CHRM2: variants seen among roughly 807,000 people sequenced by gnomAD.
CHRM2 encodes muscarinic acetylcholine receptor M2.
CHRM2 carries 8 observed loss-of-function variants against 25.0 expected under a neutral mutation model. The ratio of observed to expected loss-of-function variants is 0.32; its 90% CI spans 0.19 to 0.58. The LOEUF is 0.58. Ranked by LOEUF, CHRM2 falls within the 20% of genes least tolerant of loss-of-function variation. The pLI is 0.88. For synonymous variants in CHRM2, 202 were observed against 205.7 expected, an observed-to-expected ratio of 0.98 and a Z score of 0.15; for missense variants, 440 against 567.1, an observed-to-expected ratio of 0.78 and a Z score of 2.28.
At chr7:136,916,047 A>T (rs1009406725) in intron 2 of CHRM2, among the ~76,000 whole-genome samples, 1 of 151,822 alleles carries the variant, frequency 6.6e-6, no homozygotes, top group Non-Finnish European at 1.5e-5. Context: ...ATCTAACCCC[A>T]TGGTGCAGGC....
At chr7:137,001,272 G>A (rs1381754779) in intron 3 of CHRM2, among the ~76,000 whole-genome samples, 1 of 151,906 alleles carries the variant, frequency 6.6e-6, no homozygotes, top group Non-Finnish European at 1.5e-5. Flanking sequence ...TAAAGAGGCC[G>A]GCTTTATGCA....
chr7:136,952,861 G>A (rs1800495865), intron 2 of CHRM2, among the ~76,000 whole-genome samples: 1 of 152,050 alleles, frequency 6.6e-6, no homozygotes, highest in Admixed American at 6.5e-5. Context: ...TAAGGATAAT[G>A]GCCTCTAGTT....
chr7:136,903,726 T>A (rs1192902733), intron 2 of CHRM2, among the ~76,000 whole-genome samples: 2 of 151,944 alleles, frequency 1.3e-5, no homozygotes. Flanking sequence ...ATATCTTTAA[T>A]TGGCTAAATG....
intron 2 of CHRM2, among the ~76,000 whole-genome samples, chr7:136,990,718 T>C (rs1358119060): frequency 3.9e-5 from 6 of 152,208 alleles, no homozygotes; most frequent in African/African-American, 1.4e-4. Flanking sequence ...TTTAACTTAT[T>C]TGGGTAAACA....
At chr7:136,975,456 A>C (rs576857718) in intron 2 of CHRM2, among the ~76,000 whole-genome samples, 41 of 152,232 alleles carry the variant, frequency 2.7e-4, no homozygotes, top group Non-Finnish European at 5.1e-4. Flanking sequence ...AGAAGAAAGA[A>C]AATGAATTAA....
At chr7:136,874,064 G>A (rs1218832088) in intron 2 of CHRM2, among the ~76,000 whole-genome samples, 1 of 152,154 alleles carries the variant, frequency 6.6e-6, no homozygotes, top group African/African-American at 2.4e-5. Context: ...ACTTTTTCAA[G>A]GTGACACAGC....
intron 3 of CHRM2, among the ~76,000 whole-genome samples, chr7:136,999,214 A>C (rs1007340726): frequency 2.0e-5 from 3 of 152,060 alleles, no homozygotes; most frequent in African/African-American, 4.8e-5. Context: ...ATCTTTCAAA[A>C]ATGTACCATC....
At chr7:136,969,519 C>T (rs1391122569) in intron 2 of CHRM2, among the ~76,000 whole-genome samples, 1 of 152,086 alleles carries the variant, frequency 6.6e-6, no homozygotes, top group Admixed American at 6.6e-5. Flanking sequence ...CCACATAATT[C>T]CCAAACTTCA....
chr7:136,927,418 G>C lies in CHRM2; in HGVS notation c.-125+58000G>C, dbSNP rs186917328. Among the ~76,000 whole-genome samples the C allele has an allele frequency of 4.1e-3, 617 of 152,178 alleles. 4 individuals carry two copies. The highest frequency in any genetic ancestry group is 0.014 in the African/African-American group (585 of 41,506). ...TGGTGGTGGTGGTGTGGGTGTGTGT[G>C]TGTATGTGTGTGTGTGACAAGGTTT... On this transcript the variant is annotated intron_variant, in intron 2 of 3. Coordinates refer to ENST00000680005, the MANE Select transcript of CHRM2 (RefSeq NM_001006630.2).
At chr7:137,012,202 AT>A (rs1378042883) in intron 3 of CHRM2, among the ~76,000 whole-genome samples, 3 of 152,078 alleles carry the variant, frequency 2.0e-5, no homozygotes, top group Non-Finnish European at 4.4e-5. Context: ...CTGTCCATGA[AT>A]TTATCTAATA....
rs1803325456 is a variant in CHRM2, at chr7:136,992,889, A to G, written c.-47+625A>G. ...ATCTTGAGGTAGAATTTATTCTCCA[A>G]GAAACCTTAGTTTTTACTCTCAAGG... On this transcript the variant is annotated intron_variant, in intron 3 of 3. Coordinates refer to ENST00000680005, the MANE Select transcript of CHRM2 (RefSeq NM_001006630.2). Among the ~76,000 whole-genome samples, 9 of 152,204 alleles carry G rather than the reference A, an allele frequency of 5.9e-5. No individual in the cohort carries two copies. In the South Asian group the frequency reaches 1.9e-3, roughly 31 times the overall value.
Position 136,963,244 on chromosome 7 carries a change from C to A in CHRM2, c.-124-28943C>A, listed in dbSNP as rs559587927. On this transcript the variant is annotated intron_variant, in intron 2 of 3. Coordinates refer to ENST00000680005, the MANE Select transcript of CHRM2 (RefSeq NM_001006630.2). ...AGAAATAAAAGATAAGACCAGGGTG[C>A]CTGAATGCTTGTCCATTCCTTTTCT... Among the ~76,000 whole-genome samples the A allele has an allele frequency of 3.9e-5, 6 of 152,102 alleles. No individual in the cohort carries two copies. The East Asian group carries it at 9.6e-4, about 24-fold the overall frequency.
At chr7:136,912,181 T>C (rs965354746) in intron 2 of CHRM2, among the ~76,000 whole-genome samples, 38 of 152,086 alleles carry the variant, frequency 2.5e-4, no homozygotes, top group African/African-American at 4.8e-5. Flanking sequence ...TTCAATAGCA[T>C]TGTGGCTCTC....
chr7:136,880,516 A>C (rs906206994), intron 2 of CHRM2, among the ~76,000 whole-genome samples: 1 of 151,906 alleles, frequency 6.6e-6, no homozygotes, highest in Non-Finnish European at 1.5e-5. Context: ...TACTTTTCTA[A>C]TACATGTGAA....
intron 2 of CHRM2, among the ~76,000 whole-genome samples, chr7:136,880,126 T>A (rs556226132): frequency 6.6e-6 from 1 of 151,966 alleles, no homozygotes; most frequent in South Asian, 2.1e-4. Flanking sequence ...GTAAGGTTTG[T>A]TACATTCTCT....
chr7:136,909,583 T>A lies in CHRM2; in HGVS notation c.-125+40165T>A, dbSNP rs149215330. On this transcript the variant is annotated intron_variant, in intron 2 of 3. Transcript: ENST00000680005. ...TAATGCAAAAATTCAGCTGCAGATG[T>A]CAGGTTTATTATTATGCCAAACTAT... Among the ~76,000 whole-genome samples, 335 of 152,040 alleles carry A rather than the reference T, an allele frequency of 2.2e-3. 1 individual carries two copies. The highest frequency in any genetic ancestry group is 4.1e-3 in the Non-Finnish European group (279 of 67,892).
rs372614470 is a variant in CHRM2 at position 136,881,066 on chromosome 7, T to TATG, written c.-125+11649_-125+11651dup. ...GTATAATGGTATGTAGATGCCACTG[T>TATG]ATGCATGTAGCGTCATACGAAGTAT... On this transcript the variant is annotated intron_variant, in intron 2 of 3. Coordinates refer to ENST00000680005, the MANE Select transcript of CHRM2 (RefSeq NM_001006630.2). 1.9e-3 allele frequency among the ~76,000 whole-genome samples: 293 copies of TATG among 150,554 alleles called. 3 individuals carry two copies. Among genetic ancestry groups the TATG allele is most frequent in the East Asian group, 8.0e-3 (41 of 5,138 alleles).
chr7:136,993,731 G>A (rs190339192), intron 3 of CHRM2, among the ~76,000 whole-genome samples: 1 of 152,154 alleles, frequency 6.6e-6, no homozygotes. Flanking sequence ...ATTAGCCTCA[G>A]AACCCATTCC....
Position 137,015,493 on chromosome 7 carries a change from T to C in CHRM2, c.628T>C (p.Ser210Pro), listed in dbSNP as rs769162048. 6.2e-7 allele frequency: 1 copy of C among 1,613,138 alleles called. No homozygotes were observed. The highest frequency in any genetic ancestry group is 1.3e-5 in the African/African-American group (1 of 74,918). The change falls in exon 4 of 4, where the codon TCC (serine) becomes CCC (proline). Residue 210 changes from serine to proline, a missense_variant. Around this residue, in one of 5 missense-constraint regions of CHRM2, gnomAD observed 261 missense variants for 261.8 expected, o/e 1.00. Transcript: ENST00000680005. The surrounding 1 kb of genome is among the most constrained non-coding windows in gnomAD (Gnocchi z 5.1). ...IIMTVLYWHI[S>P]RASKSRIKKD... ...CATGACTGTGCTATATTGGCACATA[T>C]CCCGAGCCAGCAAGAGCAGGATAAA...
Sources: allele counts gnomAD v4.1 joint callset (sites outside exome capture counted in the v4.1 genomes callset), GRCh38; gene constraint gnomAD v4.1.1; regional missense constraint gnomAD v4.1.1; non-coding constraint Gnocchi (gnomAD v3.1); transcripts MANE v1.5; gene names NCBI Gene and HGNC (gene_info 2026-07-23, HGNC 2026-07-21).